Variants in KLF8 observed in about 807,000 individuals in gnomAD.
KLF8 encodes KLF transcription factor 8.
KLF8 carries 10 observed loss-of-function variants against 18.2 expected under a neutral mutation model. That is an observed-to-expected ratio of 0.55 (90% CI 0.34 to 0.93). KLF8 has a LOEUF of 0.93. Among genes scored for constraint, KLF8 ranks in the 40% least tolerant of loss-of-function variants. The probability of loss-of-function intolerance (pLI) is 0.02; values close to 1 mark genes in which losing one functional copy is unlikely to be tolerated. For missense variants in KLF8, 264 were observed against 277.9 expected (o/e 0.95, Z 0.36); for synonymous variants, 109 against 97.3 (o/e 1.12, Z -0.71).
At chrX:56,233,428 A>C in intron 1 of KLF8, 87 bp downstream of exon 1, 3 of 726,090 alleles carry the variant, frequency 4.1e-6, no homozygotes, top group African/African-American at 2.1e-5. Context: ...CTCCCCCCAC[A>C]CACCCCACTT....
chrX:56,115,537 C>T, the KLF8 span, among the ~76,000 whole-genome samples: 1 of 111,231 alleles, frequency 9.0e-6, no homozygotes, highest in Non-Finnish European at 1.9e-5. Context: ...TGATGTTGTT[C>T]CCAGTTAATT....
the KLF8 span, among the ~76,000 whole-genome samples, chrX:56,137,910 C>T: frequency 9.3e-6 from 1 of 108,049 alleles, no homozygotes; most frequent in African/African-American, 3.4e-5. Context: ...ATCAACAAAA[C>T]TAAAATTTAG....
At chrX:56,088,760 C>A in the KLF8 span, among the ~76,000 whole-genome samples, 1 of 111,067 alleles carries the variant, frequency 9.0e-6, no homozygotes, top group African/African-American at 3.3e-5. Flanking sequence ...TCTCACTGGG[C>A]CATGTTATGG....
At chrX:55,949,594 C>A in the KLF8 span, among the ~76,000 whole-genome samples, 1 of 105,873 alleles carries the variant, frequency 9.4e-6, no homozygotes, top group Non-Finnish European at 2.0e-5. Flanking sequence ...AAATCACGAA[C>A]ATCCTGGCCA....
chrX:56,277,439 C>A (rs1206501977), intron 5 of KLF8, among the ~76,000 whole-genome samples: 4 of 111,643 alleles, frequency 3.6e-5, no homozygotes, highest in Admixed American at 9.5e-5. Context: ...TGAATAAGAT[C>A]CAGAAGAATT....
the KLF8 span, among the ~76,000 whole-genome samples, chrX:56,044,277 G>A: frequency 1.8e-5 from 2 of 111,973 alleles, no homozygotes; most frequent in African/African-American, 6.5e-5. Context: ...ATGCAGTAAG[G>A]AGGAATGAGT....
chrX:56,083,294 A>G, the KLF8 span, among the ~76,000 whole-genome samples: 64 of 112,375 alleles, frequency 5.7e-4, no homozygotes, highest in African/African-American at 2.1e-3. Context: ...AACTCATTTA[A>G]TATTTGGTTT....
the KLF8 span, among the ~76,000 whole-genome samples, chrX:56,155,363 C>G: frequency 9.0e-6 from 1 of 111,120 alleles, no homozygotes; most frequent in Non-Finnish European, 1.9e-5. Flanking sequence ...GGAGAAAAAA[C>G]CAAACATCAC....
At chrX:56,086,416 C>A in the KLF8 span, among the ~76,000 whole-genome samples, 1 of 110,500 alleles carries the variant, frequency 9.0e-6, no homozygotes, top group Non-Finnish European at 1.9e-5. Flanking sequence ...AGGAAAAGAG[C>A]AAGGTTCTAT....
chrX:55,916,888 T>C, the KLF8 span, among the ~76,000 whole-genome samples: 1 of 111,926 alleles, frequency 8.9e-6, no homozygotes, highest in Admixed American at 9.5e-5. Context: ...GCAGTTGATA[T>C]TTGAAGTTTT....
the KLF8 span, among the ~76,000 whole-genome samples, chrX:56,006,923 G>A: frequency 8.9e-6 from 1 of 111,769 alleles, no homozygotes; most frequent in Non-Finnish European, 1.9e-5. Flanking sequence ...TAGTGTGCTT[G>A]GGTGTCAGTG....
chrX:56,144,459 T>C, the KLF8 span, among the ~76,000 whole-genome samples: 2 of 109,477 alleles, frequency 1.8e-5, no homozygotes, highest in East Asian at 5.8e-4. Flanking sequence ...TAAAGAACAC[T>C]TTTCTTTCGG....
At chrX:55,919,704 C>G in the KLF8 span, among the ~76,000 whole-genome samples, 1 of 111,246 alleles carries the variant, frequency 9.0e-6, no homozygotes, top group African/African-American at 3.3e-5. Context: ...CCAGCCCCTA[C>G]AGCAGCCACA....
At chrX:56,228,577 A>C (rs1237997029), upstream of KLF8, among the ~76,000 whole-genome samples, 5 of 112,144 alleles carry the variant, frequency 4.5e-5, no homozygotes, top group Admixed American at 9.4e-5. Flanking sequence ...ACAGTTTGCA[A>C]TCTAAATCAT....
chrX:56,114,523 A>G, the KLF8 span, among the ~76,000 whole-genome samples: 1 of 112,851 alleles, frequency 8.9e-6, no homozygotes, highest in Non-Finnish European at 1.9e-5. Context: ...GTGGAATTCT[A>G]TTATCCAGCA....
chrX:56,145,501 A>G, the KLF8 span, among the ~76,000 whole-genome samples: 1 of 112,738 alleles, frequency 8.9e-6, no homozygotes, highest in Non-Finnish European at 1.9e-5. Flanking sequence ...AAATTCTTGT[A>G]CACAAATGTA....
At chrX:56,254,558 C>T (rs2066763452) in intron 2 of KLF8, among the ~76,000 whole-genome samples, 1 of 111,609 alleles carries the variant, frequency 9.0e-6, no homozygotes, top group Non-Finnish European at 1.9e-5. Context: ...TGTCTGGCAT[C>T]CAGGAGGAAT....
the KLF8 span, among the ~76,000 whole-genome samples, chrX:56,212,332 A>G: frequency 2.2e-5 from 2 of 91,407 alleles, no homozygotes; most frequent in African/African-American, 7.5e-5. Context: ...TGATGTTTCA[A>G]TATGTCTTGT....
At chrX:56,068,412 C>T in the KLF8 span, among the ~76,000 whole-genome samples, 1 of 111,369 alleles carries the variant, frequency 9.0e-6, no homozygotes, top group Middle Eastern at 4.6e-3. Context: ...AGCACATGAC[C>T]CCACCCGACT....
Sources: gnomAD v4.1 joint callset for allele counts (sites outside exome capture counted in the v4.1 genomes callset) on GRCh38, gnomAD v4.1.1 for gene constraint, MANE v1.5 for transcripts, NCBI Gene and HGNC (gene_info 2026-07-23, HGNC 2026-07-21) for gene names.